The following VPS13C variants were observed in gnomAD, a reference collection of about 807,000 sequenced individuals.
VPS13C encodes the protein intermembrane lipid transfer protein VPS13C.
In VPS13C, 358 loss-of-function variants were observed where a neutral mutation model predicts 456.8. The ratio of observed to expected loss-of-function variants is 0.78; its 90% confidence interval spans 0.72 to 0.86. VPS13C has a LOEUF of 0.86. Ranked by LOEUF, VPS13C falls within the 40% of genes least tolerant of loss-of-function variation. The probability of loss-of-function intolerance (pLI) is 0.00; values close to 1 mark genes in which losing one functional copy is unlikely to be tolerated. For synonymous variants in VPS13C, 1,578 were observed against 1,486.7 expected (o/e 1.06, Z -1.41); for missense variants, 4,818 against 4,385.4 (o/e 1.10, Z -2.79).
rs561027113 is a variant in VPS13C at position 61,917,633 on chromosome 15, C to T, written c.7763G>A (p.Cys2588Tyr). The stretch of plus-strand genomic sequence containing the variant: ...TCCAGCTGGCTGGATAAACAATTGA[C>T]ATCTGCAGAAAGAGGAAACAGTGAC... The part of the protein sequence containing the change: ...EFHVPLDSYR[C>Y]QLFIQPAGIL... The change falls in exon 60 of 85, where the codon TGT (cysteine) becomes TAT (tyrosine). Residue 2588 changes from cysteine to tyrosine, a missense_variant and splice_region_variant. By Grantham distance (194) the Cys-to-Tyr change is radical. Around this residue, in one of 3 missense-constraint regions of VPS13C, gnomAD observed 4,552 missense variants for 4,130.6 expected, o/e 1.10. Coordinates refer to ENST00000644861, the MANE Select transcript of VPS13C (RefSeq NM_020821.3). 1 of 1,608,610 alleles carries T rather than the reference C, an allele frequency of 6.2e-7. No homozygotes were observed. The highest frequency in any genetic ancestry group is 8.5e-7 in the Non-Finnish European group (1 of 1,175,762).
At chr15:61,893,053 G>C (rs1276038457) in intron 66 of VPS13C, among the ~76,000 whole-genome samples, 3 of 152,082 alleles carry the variant, frequency 2.0e-5, no homozygotes, top group Non-Finnish European at 4.4e-5. Flanking sequence ...AAAGAGCAAG[G>C]GGTAGAAAGT....
At chr15:62,038,207 A>T (rs76592481) in intron 3 of VPS13C, among the ~76,000 whole-genome samples, 8,769 of 152,188 alleles carry the variant, frequency 0.058, 453 homozygotes, top group East Asian at 0.2. Flanking sequence ...GGAAAAACTC[A>T]TCTGGACATC....
intron 15 of VPS13C, among the ~76,000 whole-genome samples, chr15:62,002,514 T>C (rs112516166): frequency 1.3e-5 from 2 of 152,216 alleles, no homozygotes; most frequent in African/African-American, 4.8e-5. Context: ...GCAGAAGCGC[T>C]TTAGTTTAAT....
In VPS13C at chr15:61,872,066, T is replaced by C. The variant is rs769278136; in HGVS notation, c.10579-32A>G. 3.1e-6 allele frequency: 5 copies of C among 1,598,718 alleles called. No individual in the cohort carries two copies. The African/African-American group carries it at 5.4e-5, about 17-fold the overall frequency. On this transcript the variant is annotated intron_variant, in intron 78 of 84. Transcript: ENST00000644861. Reference sequence around the variant, plus strand: ...GAGAAATCAATCATATAGTTTAGACTGAATGGAAGGTGTTTAATTTTAAAC... The same window carrying C: ...GAGAAATCAATCATATAGTTTAGACCGAATGGAAGGTGTTTAATTTTAAAC...
At chr15:61,986,125 C>T (rs1031312561) in intron 18 of VPS13C, among the ~76,000 whole-genome samples, 5 of 148,886 alleles carry the variant, frequency 3.4e-5, no homozygotes, top group Admixed American at 6.8e-5. Context: ...ACACACACAC[C>T]GGTACACACA....
intron 47 of VPS13C, among the ~76,000 whole-genome samples, chr15:61,938,356 C>T (rs996761498): frequency 1.3e-5 from 2 of 152,018 alleles, no homozygotes; most frequent in African/African-American, 4.8e-5. Context: ...CCCAAAACAA[C>T]CTGTAGGTAT....
chr15:62,044,296 A>G, intron 1 of VPS13C, 41 bp from the exon 2 acceptor site: 1 of 1,257,464 alleles, frequency 8.0e-7, no homozygotes, highest in Non-Finnish European at 1.1e-6. Flanking sequence ...ACTATAACAT[A>G]CCAATTTTTA....
At chr15:61,946,801 A>T (rs2044621454) in intron 43 of VPS13C, among the ~76,000 whole-genome samples, 5 of 152,184 alleles carry the variant, frequency 3.3e-5, no homozygotes, top group African/African-American at 1.2e-4. Context: ...ACAAACATTT[A>T]CTATATTATT....
chr15:62,049,384 T>C (rs1170322510), intron 1 of VPS13C, among the ~76,000 whole-genome samples: 1 of 152,242 alleles, frequency 6.6e-6, no homozygotes, highest in Non-Finnish European at 1.5e-5. Context: ...TGCTTGTTTT[T>C]CTCAGGTTTG....
intron 1 of VPS13C, among the ~76,000 whole-genome samples, chr15:62,047,292 G>A (rs1198597376): frequency 6.6e-6 from 1 of 152,000 alleles, no homozygotes; most frequent in Non-Finnish European, 1.5e-5. Context: ...GCCGGGCATG[G>A]GCATGGTGGC....
rs372861388 is a variant in VPS13C at position 61,884,094 on chromosome 15, A to G, written c.9483+34T>C. On this transcript the variant is annotated intron_variant, in intron 68 of 84. Coordinates refer to ENST00000644861, the MANE Select transcript of VPS13C (RefSeq NM_020821.3). ...TACTACCACCACCAAGAAAATACAC[A>G]TATAAAAATCAAAACAAAAGAATTT... The G allele has an allele frequency of 1.6e-4, 254 of 1,560,794 alleles. No homozygotes were observed. The African/African-American group carries it at 3.2e-3, about 20-fold the overall frequency.
At chr15:61,933,811 G>A (rs188197616) in intron 49 of VPS13C, among the ~76,000 whole-genome samples, 99 of 151,832 alleles carry the variant, frequency 6.5e-4, no homozygotes, top group African/African-American at 2.3e-3. Flanking sequence ...ATATACCAAG[G>A]ATAATCATGA....
At chr15:61,994,706 C>T (rs569832759) in intron 16 of VPS13C, among the ~76,000 whole-genome samples, 10 of 152,100 alleles carry the variant, frequency 6.6e-5, no homozygotes, top group African/African-American at 2.4e-4. Context: ...TCTCCTGCCT[C>T]AGTCTCCCAA....
chr15:61,958,786 A>G (rs2140311359), intron 36 of VPS13C, 70 bp from the exon 37 acceptor site: 1 of 829,286 alleles, frequency 1.2e-6, no homozygotes, highest in East Asian at 3.1e-5. Flanking sequence ...TACAGAAAAT[A>G]AATTCCCATT....
chr15:62,057,217 A>C (rs1203082895), intron 1 of VPS13C, among the ~76,000 whole-genome samples: 36 of 152,194 alleles, frequency 2.4e-4, no homozygotes, highest in East Asian at 1.9e-4. Flanking sequence ...ACAACAAAAA[A>C]AAAACTCTGT....
chr15:61,995,674 A>T (rs2046360553), intron 16 of VPS13C, among the ~76,000 whole-genome samples: 1 of 152,222 alleles, frequency 6.6e-6, no homozygotes, highest in Non-Finnish European at 1.5e-5. Context: ...ATCAACAAAA[A>T]GCTGGAGCCT....
chr15:61,898,381 A>C (rs1286313153), intron 66 of VPS13C, among the ~76,000 whole-genome samples: 1 of 152,016 alleles, frequency 6.6e-6, no homozygotes, highest in East Asian at 1.9e-4. Context: ...AGACACACAT[A>C]GGCTCAAAAT....
In VPS13C at chr15:61,915,977, C is replaced by T. The variant is rs779812629; in HGVS notation, c.8101G>A (p.Val2701Ile). Residue 2701 changes from valine (V) to isoleucine (I), a missense_variant, in exon 61 of 85, where the codon GTT becomes ATT. By Grantham distance (29) the Val-to-Ile change is conservative. Coordinates refer to ENST00000644861, the MANE Select transcript of VPS13C (RefSeq NM_020821.3). ...HELAEGSTAD[V>I]LHSRISGEIM... ...TCACCACTGATTCTCGAATGCAGAA[C>T]ATCAGCAGTACTGCCTTCTGCCAGC... 6.2e-7 allele frequency: 1 copy of T among 1,612,330 alleles called. No individual in the cohort carries two copies. Among genetic ancestry groups the T allele is most frequent in the South Asian group, 1.1e-5 (1 of 90,992 alleles).
intron 1 of VPS13C, among the ~76,000 whole-genome samples, chr15:62,046,486 A>G (rs1046181066): frequency 6.6e-6 from 1 of 152,226 alleles, no homozygotes; most frequent in African/African-American, 2.4e-5. Context: ...TGGGAAGTCT[A>G]TTCTAGCCTA....
Sources: allele counts gnomAD v4.1 joint callset (sites outside exome capture counted in the v4.1 genomes callset), GRCh38; gene constraint gnomAD v4.1.1; regional missense constraint gnomAD v4.1.1; transcripts MANE v1.5; gene names NCBI Gene and HGNC (gene_info 2026-07-23, HGNC 2026-07-21).